Variants in KDM3A observed in about 807,000 individuals in gnomAD.
KDM3A encodes the protein lysine-specific demethylase 3A.
Under a neutral mutation model 158.0 loss-of-function variants are expected in KDM3A, and 60 were observed. That is an observed-to-expected ratio of 0.38 (90% CI 0.31 to 0.47). The LOEUF (loss-of-function observed/expected upper bound fraction) is 0.47, where lower values mean the gene tolerates loss of function less well. KDM3A is among the 20% of genes least tolerant of loss of function. The pLI, the probability that KDM3A is intolerant of heterozygous loss-of-function variation, is 0.99. For missense variants in KDM3A, 1,319 were observed against 1,574.3 expected, an observed-to-expected ratio of 0.84 and a Z score of 2.74; for synonymous variants, 608 against 549.3, an observed-to-expected ratio of 1.11 and a Z score of -1.49.
rs995111464 is a variant in KDM3A, at chr2:86,492,584, CA to C, written c.*466del. 6.5e-6 allele frequency: 1 copy of C among 153,752 alleles called. No homozygotes were observed. Among genetic ancestry groups the C allele is most frequent in the Non-Finnish European group, 1.5e-5 (1 of 68,886 alleles). The allele number at this position is 153,752 out of a possible 1,614,324, so 9.5% of individuals were successfully genotyped here. A position where few individuals can be genotyped will look rare whatever the true frequency, so the allele number is the denominator to read the frequency against. ...TTCTTATTGTATGGCATAGGACTGGCATTATATAGCAGAAATCAACTACTGT... is the reference window on the plus strand; with the variant it reads ...TTCTTATTGTATGGCATAGGACTGGCTTATATAGCAGAAATCAACTACTGT... On this transcript the variant is annotated 3_prime_UTR_variant, in exon 26 of 26. Transcript: ENST00000312912.
At chr2:86,455,249 T>C (rs1050573964) in intron 5 of KDM3A, 62 bp downstream of exon 5, 16 of 922,132 alleles carry the variant, frequency 1.7e-5, no homozygotes, top group Non-Finnish European at 2.0e-5. Context: ...TGTGAGAAAC[T>C]AGGGTTTAGC....
At chr2:86,464,799 C>T (rs1673068473) in intron 9 of KDM3A, among the ~76,000 whole-genome samples, 1 of 152,222 alleles carries the variant, frequency 6.6e-6, no homozygotes, top group East Asian at 1.9e-4. Flanking sequence ...AGGATCTCTT[C>T]TGGGAAGTGG....
At chr2:86,466,946 T>A in intron 10 of KDM3A, 63 bp downstream of exon 10, 1 of 1,278,352 alleles carries the variant, frequency 7.8e-7, no homozygotes, top group Non-Finnish European at 1.1e-6. Context: ...TATATCTCTT[T>A]CTTGTCCTAT....
At chr2:86,437,436 C>T (rs72930340), upstream of KDM3A, among the ~76,000 whole-genome samples, 20,486 of 152,058 alleles carry the variant, frequency 0.13, 1,514 homozygotes, top group Non-Finnish European at 0.16. Context: ...TCACTGCGCC[C>T]GGCTTATATA....
At chr2:86,451,297 A>G (rs1296057794) in intron 4 of KDM3A, 84 bp downstream of exon 4, 1 of 827,828 alleles carries the variant, frequency 1.2e-6, no homozygotes, top group Non-Finnish European at 1.9e-6. Flanking sequence ...TTGAACCTTA[A>G]ATAGTGTGGG....
At chr2:86,461,509 T>G (rs1230480588) in intron 8 of KDM3A, among the ~76,000 whole-genome samples, 2 of 152,186 alleles carry the variant, frequency 1.3e-5, no homozygotes, top group Non-Finnish European at 2.9e-5. Flanking sequence ...CACTGTATGT[T>G]TGGTTTTATG....
At position 86,464,224 on chromosome 2, in the gene KDM3A, G is replaced by A. The variant is rs752168318; in HGVS notation, c.1007+8G>A. ...AGCAAAAATTCCTCAAGGGTGAGTA[G>A]TGATTTGTTAAAGATGTTTAATTAT... On this transcript the variant is annotated splice_region_variant and intron_variant, in intron 9 of 25. Transcript: ENST00000312912. 58 of 1,547,374 alleles carry A rather than the reference G, an allele frequency of 3.7e-5. No homozygotes were observed. The highest frequency in any genetic ancestry group is 4.5e-5 in the Non-Finnish European group (52 of 1,143,894).
intron 11 of KDM3A, among the ~76,000 whole-genome samples, chr2:86,471,100 T>A (rs1174193288): frequency 6.6e-6 from 1 of 152,150 alleles, no homozygotes; most frequent in African/African-American, 2.4e-5. Context: ...CGCACCTGTG[T>A]CCTTGACAAC....
At chr2:86,465,216 T>C (rs1285070580) in intron 9 of KDM3A, among the ~76,000 whole-genome samples, 2 of 152,176 alleles carry the variant, frequency 1.3e-5, no homozygotes, top group Non-Finnish European at 2.9e-5. Flanking sequence ...CCTAGTAAGA[T>C]GTACAGGGAA....
chr2:86,464,820 C>T (rs1558615869), intron 9 of KDM3A, among the ~76,000 whole-genome samples: 1 of 152,190 alleles, frequency 6.6e-6, no homozygotes, highest in Non-Finnish European at 1.5e-5. Context: ...TGGTGGCCTG[C>T]GTAGGCAGGC....
intron 8 of KDM3A, 102 bp from the exon 9 acceptor site, chr2:86,463,951 A>G (rs1289371989): frequency 1.0e-5 from 8 of 763,476 alleles, no homozygotes; most frequent in African/African-American, 1.8e-5. Context: ...CAATGGTATT[A>G]TGTTTGTTTA....
chr2:86,469,234 C>G (rs1673292255), intron 10 of KDM3A, among the ~76,000 whole-genome samples: 1 of 152,088 alleles, frequency 6.6e-6, no homozygotes. Context: ...TTATTTAAAA[C>G]CTTCTTTGGT....
intron 20 of KDM3A, 57 bp from the exon 21 acceptor site, chr2:86,485,672 C>A: frequency 6.3e-7 from 1 of 1,597,294 alleles, no homozygotes; most frequent in Non-Finnish European, 8.6e-7. Flanking sequence ...ACAGGTTACA[C>A]AATAATGAAT....
chr2:86,453,515 A>G (rs1672558063), intron 4 of KDM3A, among the ~76,000 whole-genome samples: 1 of 152,200 alleles, frequency 6.6e-6, no homozygotes, highest in South Asian at 2.1e-4. Context: ...AGGTATCTGG[A>G]CAACTATCTT....
At chr2:86,446,610 T>A (rs1274323027) in intron 2 of KDM3A, among the ~76,000 whole-genome samples, 1 of 152,136 alleles carries the variant, frequency 6.6e-6, no homozygotes, top group African/African-American at 2.4e-5. Flanking sequence ...CTTGGGAGTC[T>A]GAGGCACGAG....
rs113795219 is a variant in KDM3A at position 86,492,445 on chromosome 2, T to TAAC, written c.*327_*329dup. On this transcript the variant is annotated 3_prime_UTR_variant, in exon 26 of 26. Transcript: ENST00000312912. ...GTTTGGACAACTTAGATTGGGTTTA[T>TAAC]AACTATTAGGAATCACTGCACAGTT... 21 of 253,726 alleles carry TAAC rather than the reference T, an allele frequency of 8.3e-5. 1 individual carries two copies. Among genetic ancestry groups the TAAC allele is most frequent in the Middle Eastern group, 1.3e-3 (1 of 748 alleles). 15.7% of individuals were successfully genotyped at this position (253,726 alleles called of 1,614,324 possible). A position where few individuals can be genotyped will look rare whatever the true frequency, so the allele number is the denominator to read the frequency against.
intron 8 of KDM3A, 104 bp from the exon 9 acceptor site, chr2:86,463,949 T>G: frequency 1.3e-6 from 1 of 747,404 alleles, no homozygotes; most frequent in Non-Finnish European, 2.0e-6. Flanking sequence ...GGCAATGGTA[T>G]TATGTTTGTT....
rs1436226572 is a variant in KDM3A at position 86,449,949 on chromosome 2, A to G, written c.329A>G (p.Gln110Arg). Reference sequence around the variant, plus strand: ...CCTGAAATTTCTGAACGAATTGTACAGTGGCCTGCAATAGTGAGTAAAACT... The same window carrying G: ...CCTGAAATTTCTGAACGAATTGTACGGTGGCCTGCAATAGTGAGTAAAACT... ...KSPEISERIV[Q>R]WPAITYKPLL... Residue 110 changes from glutamine to arginine, a missense_variant, in exon 3 of 26, where the codon CAG (glutamine) becomes CGG (arginine). Gln to Arg is a conservative substitution (Grantham distance 43). This residue lies in a region of KDM3A where 652 missense variants were observed against 627.2 expected (regional missense o/e 1.04). Coordinates refer to ENST00000312912, the MANE Select transcript of KDM3A (RefSeq NM_018433.6). The G allele has an allele frequency of 8.7e-6, 14 of 1,612,396 alleles. No homozygotes were observed. Among genetic ancestry groups the G allele is most frequent in the Non-Finnish European group, 1.2e-5 (14 of 1,179,210 alleles).
chr2:86,443,547 A>T (rs1682831282), intron 2 of KDM3A: 1 of 152,142 alleles, frequency 6.6e-6, no homozygotes, highest in Non-Finnish European at 1.5e-5. Flanking sequence ...AGGTACTAAT[A>T]TTGCCCCCAT....
Sources: gnomAD v4.1 joint callset for allele counts (sites outside exome capture counted in the v4.1 genomes callset) on GRCh38, gnomAD v4.1.1 for gene constraint, gnomAD v4.1.1 regional missense constraint, MANE v1.5 for transcripts, NCBI Gene and HGNC (gene_info 2026-07-23, HGNC 2026-07-21) for gene names.